Variants in TRIM24 observed in about 807,000 individuals in gnomAD.
The protein encoded by TRIM24 is transcription intermediary factor 1-alpha.
TRIM24 carries 29 observed loss-of-function variants against 123.9 expected under a neutral mutation model. That is an observed-to-expected ratio of 0.23 (90% CI 0.17 to 0.32). The LOEUF is 0.32. Among genes scored for constraint, TRIM24 ranks in the 10% least tolerant of loss-of-function variants. The pLI, the probability that TRIM24 is intolerant of heterozygous loss-of-function variation, is 1.00. For missense variants in TRIM24, 932 were observed against 1,295.3 expected (o/e 0.72, Z 4.31); for synonymous variants, 456 against 461.1 (o/e 0.99, Z 0.14).
intron 7 of TRIM24, among the ~76,000 whole-genome samples, chr7:138,548,376 A>T (rs184135605): frequency 1.3e-5 from 2 of 152,100 alleles, no homozygotes; most frequent in Admixed American, 6.5e-5. Context: ...CCGAGCTGAG[A>T]TCGCACCACT....
At chr7:138,524,935 AT>A (rs1292368146) in intron 4 of TRIM24, among the ~76,000 whole-genome samples, 3 of 152,088 alleles carry the variant, frequency 2.0e-5, no homozygotes, top group African/African-American at 7.2e-5. Flanking sequence ...AATAAATCTG[AT>A]TATGTATAAT....
intron 7 of TRIM24, among the ~76,000 whole-genome samples, chr7:138,548,804 A>G (rs1019454775): frequency 6.6e-6 from 1 of 152,098 alleles, no homozygotes; most frequent in African/African-American, 2.4e-5. Flanking sequence ...TTATTTTAAA[A>G]CCTTTTGTTA....
At chr7:138,504,174 G>A in intron 1 of TRIM24, 116 bp from the exon 2 acceptor site, 1 of 541,174 alleles carries the variant, frequency 1.8e-6, no homozygotes, top group Non-Finnish European at 3.1e-6. Flanking sequence ...GTGACAGCAG[G>A]TATGAATTTA....
chr7:138,558,114 T>A (rs1358934678), intron 9 of TRIM24, among the ~76,000 whole-genome samples: 2 of 152,124 alleles, frequency 1.3e-5, no homozygotes, highest in Non-Finnish European at 2.9e-5. Context: ...CAGCTGCCCA[T>A]ATGCCCATGA....
intron 12 of TRIM24, among the ~76,000 whole-genome samples, chr7:138,575,911 ACTC>A (rs1321333967): frequency 6.6e-6 from 1 of 150,462 alleles, no homozygotes; most frequent in Non-Finnish European, 1.5e-5. Flanking sequence ...TCTTTTTTGA[ACTC>A]CTTTTCTATC....
intron 14 of TRIM24, among the ~76,000 whole-genome samples, chr7:138,578,894 T>A (rs1297045168): frequency 1.3e-5 from 2 of 151,912 alleles, no homozygotes; most frequent in Non-Finnish European, 2.9e-5. Flanking sequence ...ATCTTAGGTA[T>A]AATTTGAATG....
At chr7:138,500,438 C>G (rs1486578597) in intron 1 of TRIM24, among the ~76,000 whole-genome samples, 1 of 151,688 alleles carries the variant, frequency 6.6e-6, no homozygotes. Context: ...TGGCACAGGC[C>G]TGTAGTCCCA....
At chr7:138,536,247 C>T (rs149485312) in intron 6 of TRIM24, among the ~76,000 whole-genome samples, 241 of 152,304 alleles carry the variant, frequency 1.6e-3, no homozygotes, top group Middle Eastern at 6.8e-3. Context: ...AGCTTTGTTC[C>T]GTTGCTGTCT....
At chr7:138,582,194 TGAG>T (rs1490740217) in intron 17 of TRIM24, among the ~76,000 whole-genome samples, 4 of 152,182 alleles carry the variant, frequency 2.6e-5, no homozygotes, top group African/African-American at 9.7e-5. Flanking sequence ...CAAAAAAAGT[TGAG>T]GAAGTATGTG....
chr7:138,490,766 G>A, intron 1 of TRIM24: 1 of 496,148 alleles, frequency 2.0e-6, no homozygotes, highest in Non-Finnish European at 4.0e-6. Context: ...AAATAGATTG[G>A]CAAGCCTTTT....
intron 1 of TRIM24, among the ~76,000 whole-genome samples, chr7:138,486,828 A>G (rs991577992): frequency 6.6e-6 from 1 of 151,974 alleles, no homozygotes. Context: ...GGGCTCTTTT[A>G]TGGTTCCATA....
intron 1 of TRIM24, among the ~76,000 whole-genome samples, chr7:138,475,375 A>G (rs1325867755): frequency 1.3e-5 from 2 of 152,220 alleles, no homozygotes; most frequent in African/African-American, 2.4e-5. Context: ...AAAGGAGAGC[A>G]AAAGAAACAA....
intron 2 of TRIM24, among the ~76,000 whole-genome samples, chr7:138,508,976 TCTCA>T (rs1796227314): frequency 6.6e-6 from 1 of 151,740 alleles, no homozygotes; most frequent in Non-Finnish European, 1.5e-5. Context: ...AGAGACAGAG[TCTCA>T]CTCTGTTGCC....
chr7:138,536,712 T>C (rs1392833059), intron 6 of TRIM24, among the ~76,000 whole-genome samples: 7 of 152,218 alleles, frequency 4.6e-5, no homozygotes, highest in Non-Finnish European at 1.0e-4. Flanking sequence ...TCAAACTCCG[T>C]GCTAGGAGAA....
chr7:138,508,678 T>TGTGCGTGTGTGTGC (rs758286466), intron 2 of TRIM24, among the ~76,000 whole-genome samples: 1 of 51,220 alleles, frequency 2.0e-5, no homozygotes, highest in Non-Finnish European at 4.2e-5. Context: ...TGTGTGTGTG[T>TGTGCGTGTGTGTGC]GTGTGTGTGT....
intron 2 of TRIM24, among the ~76,000 whole-genome samples, chr7:138,508,700 C>CGCGTGTGCGTGTGT (rs1182276337): frequency 2.8e-5 from 1 of 35,510 alleles, no homozygotes; most frequent in Non-Finnish European, 8.0e-5. Context: ...TGTGCGCGCG[C>CGCGTGTGCGTGTGT]GTGTGTGCGT....
rs1798043442 is a variant in TRIM24 at position 138,587,724 on chromosome 7, C to A, written c.*2773C>A. The A allele has an allele frequency of 6.6e-6, 1 of 152,134 alleles. No homozygotes were observed. The highest frequency in any genetic ancestry group is 2.1e-4 in the South Asian group (1 of 4,822). 9.4% of individuals were successfully genotyped at this position (152,134 alleles called of 1,614,324 possible). On this transcript the variant is annotated 3_prime_UTR_variant, in exon 19 of 19. Coordinates refer to ENST00000343526, the MANE Select transcript of TRIM24 (RefSeq NM_015905.3). The stretch of plus-strand genomic sequence containing the variant: ...GGCTAGGGCTTATGGATGAGCAGAC[C>A]ACGTAGGAGCTAGGATTTACTCAGT...
chr7:138,580,161 G>C (rs1368458332), intron 15 of TRIM24, among the ~76,000 whole-genome samples: 1 of 152,052 alleles, frequency 6.6e-6, no homozygotes, highest in Non-Finnish European at 1.5e-5. Flanking sequence ...TTCTTGGAAG[G>C]CCATACTTTT....
intron 6 of TRIM24, among the ~76,000 whole-genome samples, chr7:138,531,279 A>G (rs1198859958): frequency 2.0e-5 from 3 of 152,144 alleles, no homozygotes; most frequent in Admixed American, 1.3e-4. Flanking sequence ...TACATGTGTT[A>G]CATATGTATA....
Sources: gnomAD v4.1 joint callset for allele counts (sites outside exome capture counted in the v4.1 genomes callset) on GRCh38, gnomAD v4.1.1 for gene constraint, MANE v1.5 for transcripts, NCBI Gene and HGNC (gene_info 2026-07-23, HGNC 2026-07-21) for gene names.